Variants in UBR3 observed in about 807,000 individuals in gnomAD.
UBR3 encodes the protein ubiquitin protein ligase E3 component n-recognin 3.
Under a neutral mutation model 243.2 loss-of-function variants are expected in UBR3, and 85 were observed. The observed-to-expected ratio is 0.35, with a 90% CI of 0.29 to 0.42. The LOEUF (loss-of-function observed/expected upper bound fraction) is 0.42, where lower values mean the gene tolerates loss of function less well. Among genes scored for constraint, UBR3 ranks in the 10% least tolerant of loss-of-function variants. UBR3 has a pLI of 1.00. For missense variants in UBR3, 1,686 were observed against 2,300.8 expected (o/e 0.73, Z 5.47); for synonymous variants, 748 against 799.8 (o/e 0.94, Z 1.09).
At position 169,925,685 on chromosome 2, in the gene UBR3, A is replaced by C; in HGVS notation, c.2089A>C (p.Met697Leu). ...RNGLQIKGQA[M>L]TYVQSHFCNS... ...TGGTCTGCAAATCAAAGGACAAGCC[A>C]TGACGTATGTCCAGTCTCATTTCTG... The change falls in exon 14 of 39, where the codon ATG (methionine) becomes CTG (leucine). Residue 697 changes from methionine (M) to leucine (L), a missense_variant. Around this residue, in one of 8 missense-constraint regions of UBR3, gnomAD observed 346 missense variants for 585.8 expected, o/e 0.59. Transcript: ENST00000272793. The C allele has an allele frequency of 6.4e-7, 1 of 1,551,304 alleles. No individual in the cohort carries two copies. The highest frequency in any genetic ancestry group is 8.7e-7 in the Non-Finnish European group (1 of 1,146,728).
intron 22 of UBR3, among the ~76,000 whole-genome samples, chr2:169,949,022 CAAATT>C (rs1216507745): frequency 1.3e-5 from 2 of 151,642 alleles, no homozygotes; most frequent in South Asian, 2.1e-4. Flanking sequence ...TTTAATAAAA[CAAATT>C]AAATTTCATA....
At position 170,008,895 on chromosome 2, in the gene UBR3, C is replaced by G; in HGVS notation, c.4322C>G (p.Pro1441Arg). Residue 1441 changes from proline (P) to arginine (R), a missense_variant, in exon 29 of 39, where the codon CCG (proline) becomes CGG (arginine). Pro to Arg is a moderately radical substitution (Grantham distance 103). Around this residue, in one of 8 missense-constraint regions of UBR3, gnomAD observed 371 missense variants for 422.5 expected, o/e 0.88. Coordinates refer to ENST00000272793, the MANE Select transcript of UBR3 (RefSeq NM_172070.4). ...AAATATAGAGACTATAGCAAGACCC[C>G]GGGCTCACCAGACAATGATTTTCTC... ...QKKYRDYSKT[P>R]GSPDNDFLFM... 1 of 1,598,932 alleles carries G rather than the reference C, an allele frequency of 6.3e-7. No individual in the cohort carries two copies. The highest frequency in any genetic ancestry group is 1.1e-5 in the South Asian group (1 of 87,644).
chr2:170,051,574 G>A (rs1007047674), intron 32 of UBR3, among the ~76,000 whole-genome samples: 7 of 152,154 alleles, frequency 4.6e-5, no homozygotes, highest in South Asian at 2.1e-4. Context: ...TCAAACTCCT[G>A]ACCTCAGGTG....
chr2:169,913,658 T>G (rs2105338563), intron 10 of UBR3, among the ~76,000 whole-genome samples: 1 of 152,284 alleles, frequency 6.6e-6, no homozygotes, highest in African/African-American at 2.4e-5. Context: ...TGAAGTACAT[T>G]TACAGAGTTG....
At chr2:169,890,540 G>GAGAGAGAGAGAGATATATATATATATAT (rs1553504401) in intron 5 of UBR3, among the ~76,000 whole-genome samples, 1 of 76,020 alleles carries the variant, frequency 1.3e-5, no homozygotes, top group African/African-American at 6.4e-5. Context: ...GAGAGAGAGA[G>GAGAGAGAGAGAGATATATATATATATAT]ATATATATAT....
At position 169,928,716 on chromosome 2, in the gene UBR3, A is replaced by G. The variant is rs1020875638; in HGVS notation, c.2425-11A>G. On this transcript the variant is annotated splice_polypyrimidine_tract_variant and intron_variant, in intron 17 of 38. Transcript: ENST00000272793. Reference sequence around the variant, plus strand: ...TTGTTACTAATATTTTTTTCTTGACATATATATCATATTCCAGAAAATCCT... The same window carrying G: ...TTGTTACTAATATTTTTTTCTTGACGTATATATCATATTCCAGAAAATCCT... 9.6e-5 allele frequency: 141 copies of G among 1,465,096 alleles called. No individual in the cohort carries two copies. Among genetic ancestry groups the G allele is most frequent in the Non-Finnish European group, 1.2e-4 (136 of 1,090,034 alleles). 90.8% of individuals were successfully genotyped at this position (1,465,096 alleles called of 1,614,324 possible). A position where few individuals can be genotyped will look rare whatever the true frequency, so the allele number is the denominator to read the frequency against.
intron 24 of UBR3, among the ~76,000 whole-genome samples, chr2:169,975,673 T>G (rs1009941017): frequency 1.3e-5 from 2 of 152,124 alleles, no homozygotes; most frequent in African/African-American, 4.8e-5. Flanking sequence ...CTTGTCTGGG[T>G]GTGGTACCTT....
intron 5 of UBR3, among the ~76,000 whole-genome samples, chr2:169,884,660 T>G (rs995376617): frequency 2.6e-5 from 4 of 152,194 alleles, no homozygotes. Context: ...ATTATTTTAT[T>G]AGGACTAATG....
chr2:170,016,903 T>C, intron 30 of UBR3: 4 of 802,496 alleles, frequency 5.0e-6, no homozygotes, highest in Non-Finnish European at 6.5e-6. Context: ...AAAGTCATGA[T>C]AAAGTTTATC....
At chr2:169,843,612 T>C (rs968783454) in intron 1 of UBR3, among the ~76,000 whole-genome samples, 2 of 152,240 alleles carry the variant, frequency 1.3e-5, no homozygotes, top group African/African-American at 4.8e-5. Context: ...TTATTGACTA[T>C]TGAACCAGTC....
At chr2:169,924,396 T>A (rs2085824328) in intron 13 of UBR3, among the ~76,000 whole-genome samples, 1 of 152,208 alleles carries the variant, frequency 6.6e-6, no homozygotes, top group Non-Finnish European at 1.5e-5. Flanking sequence ...GATATTTGCT[T>A]ATGGGGTGGT....
At chr2:170,007,349 A>G (rs2089950309) in intron 28 of UBR3, 159 bp downstream of exon 28, 1 of 747,868 alleles carries the variant, frequency 1.3e-6, no homozygotes, top group South Asian at 2.0e-5. Flanking sequence ...AATAAAAGTA[A>G]TAGAACAAAT....
chr2:169,889,916 T>C (rs559825038), intron 5 of UBR3, among the ~76,000 whole-genome samples: 14 of 152,238 alleles, frequency 9.2e-5, no homozygotes, highest in Non-Finnish European at 2.1e-4. Context: ...GAATTTATAC[T>C]ACAGTTCTAA....
intron 31 of UBR3, among the ~76,000 whole-genome samples, chr2:170,040,341 A>G (rs1246973051): frequency 1.3e-5 from 2 of 151,752 alleles, no homozygotes; most frequent in African/African-American, 4.8e-5. Context: ...TCTGAGCTCA[A>G]GTGATCCGCC....
intron 11 of UBR3, among the ~76,000 whole-genome samples, chr2:169,920,783 C>A (rs1369705637): frequency 6.6e-6 from 1 of 152,184 alleles, no homozygotes; most frequent in Non-Finnish European, 1.5e-5. Flanking sequence ...CCCTGCCCTG[C>A]CTCCAGTCAA....
chr2:169,886,334 A>G (rs1186434629), intron 5 of UBR3, among the ~76,000 whole-genome samples: 1 of 152,150 alleles, frequency 6.6e-6, no homozygotes, highest in Non-Finnish European at 1.5e-5. Context: ...ATTTTACAAC[A>G]TTCCTGACAG....
chr2:169,927,239 C>T, intron 16 of UBR3, 81 bp from the exon 17 acceptor site: 1 of 1,264,270 alleles, frequency 7.9e-7, no homozygotes, highest in South Asian at 1.4e-5. Flanking sequence ...GGTAAAACAG[C>T]TTAGTAAAAA....
chr2:169,878,121 G>GA (rs1454668881), intron 4 of UBR3, among the ~76,000 whole-genome samples: 6 of 152,306 alleles, frequency 3.9e-5, no homozygotes, highest in Admixed American at 2.0e-4. Context: ...AGCAGTTTGG[G>GA]AGGCCGAGGT....
chr2:170,079,224 A>G (rs1053311161), intron 36 of UBR3, among the ~76,000 whole-genome samples: 2 of 152,134 alleles, frequency 1.3e-5, no homozygotes, highest in Non-Finnish European at 2.9e-5. Context: ...TAATTTGACA[A>G]TTTTTTTATT....
Sources: allele counts gnomAD v4.1 joint callset (sites outside exome capture counted in the v4.1 genomes callset), GRCh38; gene constraint gnomAD v4.1.1; regional missense constraint gnomAD v4.1.1; transcripts MANE v1.5; gene names NCBI Gene and HGNC (gene_info 2026-07-23, HGNC 2026-07-21).